Variants in PPARGC1B observed in about 807,000 individuals in gnomAD.
The protein encoded by PPARGC1B is PPARG coactivator 1 beta.
PPARGC1B carries 34 observed loss-of-function variants against 101.6 expected under a neutral mutation model. That is an observed-to-expected ratio of 0.33 (90% confidence interval 0.25 to 0.45). PPARGC1B has a LOEUF of 0.45. PPARGC1B is among the 20% of genes least tolerant of loss of function. The probability of loss-of-function intolerance (pLI) is 1.00; values close to 1 mark genes in which losing one functional copy is unlikely to be tolerated. For missense variants in PPARGC1B, 1,234 were observed against 1,317.6 expected, an observed-to-expected ratio of 0.94 and a Z score of 0.98; for synonymous variants, 548 against 539.3, an observed-to-expected ratio of 1.02 and a Z score of -0.22.
At chr5:149,734,270 C>T (rs188612017) in intron 1 of PPARGC1B, among the ~76,000 whole-genome samples, 44 of 143,178 alleles carry the variant, frequency 3.1e-4, no homozygotes, top group African/African-American at 1.2e-3. Flanking sequence ...TGCAGTGAGC[C>T]GAGATCGCGC....
In PPARGC1B at chr5:149,836,713, C is replaced by A. The variant is rs149663552; in HGVS notation, c.2258C>A (p.Thr753Lys). ...CDAGAPPKDS[T>K]LLRDHEIRAS... ...GCTGGCGCCCCACCCAAGGACAGCA[C>A]GCTGCTGAGAGACCATGAGATCCGT... The change falls in exon 8 of 12, where the codon ACG (threonine) becomes AAG (lysine). Residue 753 changes from threonine to lysine, a missense_variant. Thr to Lys is a moderately conservative substitution (Grantham distance 78). Transcript: ENST00000309241. 2.5e-6 allele frequency: 4 copies of A among 1,613,714 alleles called. No homozygotes were observed. The highest frequency in any genetic ancestry group is 3.4e-6 in the Non-Finnish European group (4 of 1,180,014).
At chr5:149,796,833 T>C (rs1757235284) in intron 1 of PPARGC1B, among the ~76,000 whole-genome samples, 1 of 152,094 alleles carries the variant, frequency 6.6e-6, no homozygotes, top group Non-Finnish European at 1.5e-5. Context: ...GAAATAGAAT[T>C]CCATTTGGAT....
intron 8 of PPARGC1B, among the ~76,000 whole-genome samples, chr5:149,838,551 G>A (rs1252923003): frequency 6.6e-6 from 1 of 152,178 alleles, no homozygotes; most frequent in Admixed American, 6.5e-5. Context: ...AGTTGCCCAG[G>A]TTCTCTTCAT....
At chr5:149,765,164 G>T (rs114618644) in intron 1 of PPARGC1B, among the ~76,000 whole-genome samples, 2 of 152,258 alleles carry the variant, frequency 1.3e-5, no homozygotes, top group African/African-American at 4.8e-5. Flanking sequence ...TCCTCCTGCC[G>T]TGTGACTTGG....
At position 149,847,928 on chromosome 5, in the gene PPARGC1B, G is replaced by A. The variant is rs1017355131; in HGVS notation, c.*370G>A. The A allele has an allele frequency of 4.3e-6, 1 of 233,524 alleles. No homozygotes were observed. Among genetic ancestry groups the A allele is most frequent in the Non-Finnish European group, 8.4e-6 (1 of 119,066 alleles). 14.5% of individuals were successfully genotyped at this position (233,524 alleles called of 1,614,324 possible). On this transcript the variant is annotated 3_prime_UTR_variant, in exon 12 of 12. Transcript: ENST00000309241. ...CCATAACATTTCTTGTCTGTAGTGTGTGATGATGAAATTGTTACTTGTGAA... is the reference window on the plus strand; with the variant it reads ...CCATAACATTTCTTGTCTGTAGTGTATGATGATGAAATTGTTACTTGTGAA...
intron 1 of PPARGC1B, among the ~76,000 whole-genome samples, chr5:149,744,881 A>T (rs1755031682): frequency 6.7e-6 from 1 of 149,170 alleles, no homozygotes; most frequent in Non-Finnish European, 1.5e-5. Context: ...TGGGCTTTAG[A>T]GTCTGGTTCA....
intron 2 of PPARGC1B, 138 bp downstream of exon 2, chr5:149,820,744 C>T (rs887465791): frequency 3.8e-4 from 326 of 858,790 alleles, no homozygotes; most frequent in Middle Eastern, 7.2e-4. Context: ...TGTTGGGCCC[C>T]GGTTTCTCGT....
At chr5:149,810,276 G>A (rs149725283) in intron 1 of PPARGC1B, among the ~76,000 whole-genome samples, 13 of 152,322 alleles carry the variant, frequency 8.5e-5, no homozygotes, top group African/African-American at 1.7e-4. Context: ...AACACCTTGC[G>A]CAGAATATAC....
intron 1 of PPARGC1B, among the ~76,000 whole-genome samples, chr5:149,735,560 G>T (rs1482107380): frequency 6.6e-6 from 1 of 152,162 alleles, no homozygotes; most frequent in African/African-American, 2.4e-5. Flanking sequence ...GCAGTTTTCT[G>T]AGCCTTCTGT....
chr5:149,737,663 TTC>T (rs1322850050), intron 1 of PPARGC1B, among the ~76,000 whole-genome samples: 8 of 152,220 alleles, frequency 5.3e-5, no homozygotes, highest in Non-Finnish European at 8.8e-5. Flanking sequence ...CTTTCTGAGC[TTC>T]TGTTTCCTGA....
intron 1 of PPARGC1B, among the ~76,000 whole-genome samples, chr5:149,802,262 G>T (rs967475384): frequency 7.2e-5 from 11 of 152,224 alleles, no homozygotes; most frequent in Non-Finnish European, 1.6e-4. Flanking sequence ...ACACAGCCAT[G>T]TGGCCCTCGC....
At chr5:149,744,546 A>G (rs1482215464) in intron 1 of PPARGC1B, among the ~76,000 whole-genome samples, 3 of 152,216 alleles carry the variant, frequency 2.0e-5, no homozygotes, top group Non-Finnish European at 4.4e-5. Flanking sequence ...GTTCTCCGAG[A>G]AAGCAAGAAA....
chr5:149,832,797 C>T lies in PPARGC1B; in HGVS notation c.724C>T (p.Leu242Phe), dbSNP rs1368387350. The change falls in exon 5 of 12, where the codon CTC (leucine) becomes TTC (phenylalanine). Residue 242 changes from leucine (L) to phenylalanine (F), a missense_variant. Physicochemically the swap from Leu to Phe is conservative, Grantham distance 22. Around this residue, in one of 3 missense-constraint regions of PPARGC1B, gnomAD observed 734 missense variants for 768.4 expected, o/e 0.96. Transcript: ENST00000309241. The surrounding 1 kb of genome is among the most constrained non-coding windows in gnomAD (Gnocchi z 4.9). ...LQPPCLQSPRLPAKEDKEPGE... is the reference protein window; with the variant it reads ...LQPPCLQSPRFPAKEDKEPGE... ...GCCACCATGCCTCCAGAGTCCCCGG[C>T]TCCCTGCCAAGGAGGACAAGGAGCC... 2.5e-6 allele frequency: 4 copies of T among 1,613,054 alleles called. No homozygotes were observed. In the East Asian group the frequency reaches 8.9e-5, roughly 36 times the overall value.
At chr5:149,740,794 C>T (rs558685353) in intron 1 of PPARGC1B, among the ~76,000 whole-genome samples, 2 of 152,184 alleles carry the variant, frequency 1.3e-5, no homozygotes, top group Non-Finnish European at 2.9e-5. Context: ...ATAATTAAGG[C>T]TTGCAGCTTC....
chr5:149,794,782 C>T (rs1245741734), intron 1 of PPARGC1B, among the ~76,000 whole-genome samples: 1 of 152,240 alleles, frequency 6.6e-6, no homozygotes, highest in Admixed American at 6.5e-5. Context: ...CTCTGCACAG[C>T]AGCTGCCTCT....
At chr5:149,757,087 CAAT>C (rs768254623) in intron 1 of PPARGC1B, among the ~76,000 whole-genome samples, 2 of 152,184 alleles carry the variant, frequency 1.3e-5, no homozygotes, top group South Asian at 2.1e-4. Context: ...CCTTCGAAGA[CAAT>C]AAAACAAGGG....
chr5:149,810,780 G>T (rs990545241), intron 1 of PPARGC1B, among the ~76,000 whole-genome samples: 1 of 152,168 alleles, frequency 6.6e-6, no homozygotes, highest in Non-Finnish European at 1.5e-5. Flanking sequence ...GGAGCTGGCT[G>T]TGTGGATCTC....
In PPARGC1B at chr5:149,852,523, C is replaced by A. The variant is rs1184834952; in HGVS notation, c.*4965C>A. The stretch of plus-strand genomic sequence containing the variant: ...GTTGCCTTATCCAAGAAGACCAGCT[C>A]CCCGGGACAGATCTAAGCCATAGTT... On this transcript the variant is annotated 3_prime_UTR_variant, in exon 12 of 12. Coordinates refer to ENST00000309241, the MANE Select transcript of PPARGC1B (RefSeq NM_133263.4). 1 of 152,112 alleles carries A rather than the reference C, an allele frequency of 6.6e-6. No homozygotes were observed. Among genetic ancestry groups the A allele is most frequent in the Non-Finnish European group, 1.5e-5 (1 of 68,044 alleles). The allele number at this position is 152,112 out of a possible 1,614,324, so 9.4% of individuals were successfully genotyped here. A position where few individuals can be genotyped will look rare whatever the true frequency, so the allele number is the denominator to read the frequency against.
chr5:149,793,657 G>C (rs766247994), intron 1 of PPARGC1B, among the ~76,000 whole-genome samples: 1 of 152,160 alleles, frequency 6.6e-6, no homozygotes, highest in East Asian at 1.9e-4. Flanking sequence ...ACAGCCTTAC[G>C]CTTGGAAAGC....
Sources: gnomAD v4.1 joint callset for allele counts (sites outside exome capture counted in the v4.1 genomes callset) on GRCh38, gnomAD v4.1.1 for gene constraint, gnomAD v4.1.1 regional missense constraint, Gnocchi (gnomAD v3.1) non-coding constraint, MANE v1.5 for transcripts, NCBI Gene and HGNC (gene_info 2026-07-23, HGNC 2026-07-21) for gene names.